Variants in SPSB1 observed in about 807,000 individuals in gnomAD.
SPSB1 encodes the protein splA/ryanodine receptor domain and SOCS box containing 1.
SPSB1 carries 8 observed loss-of-function variants against 21.2 expected under a neutral mutation model. The ratio of observed to expected loss-of-function variants is 0.38; its 90% CI spans 0.22 to 0.68. The LOEUF (loss-of-function observed/expected upper bound fraction) is 0.68. Among genes scored for constraint, SPSB1 ranks in the 30% least tolerant of loss-of-function variants. SPSB1 has a pLI of 0.53. For missense variants in SPSB1, 242 were observed against 377.8 expected (o/e 0.64, Z 2.98); for synonymous variants, 169 against 161.7 (o/e 1.05, Z -0.34).
At chr1:9,309,297 A>AGT (rs1190863090) in intron 1 of SPSB1, among the ~76,000 whole-genome samples, 2 of 112,028 alleles carry the variant, frequency 1.8e-5, no homozygotes, top group African/African-American at 7.9e-5. Flanking sequence ...AGAGAGAGAG[A>AGT]GAGAGTGTGT....
At chr1:9,300,975 C>T (rs573504025) in intron 1 of SPSB1, among the ~76,000 whole-genome samples, 2 of 152,244 alleles carry the variant, frequency 1.3e-5, no homozygotes, top group African/African-American at 4.8e-5. Context: ...TGGACAGCTG[C>T]AGCACTATAG....
intron 1 of SPSB1, among the ~76,000 whole-genome samples, chr1:9,308,773 A>G (rs187272061): frequency 1.3e-5 from 2 of 152,248 alleles, no homozygotes; most frequent in Admixed American, 6.5e-5. Flanking sequence ...AGGAAGTGGC[A>G]TGACTCCCTG....
At chr1:9,314,560 A>G (rs1485125879) in intron 1 of SPSB1, among the ~76,000 whole-genome samples, 1 of 152,164 alleles carries the variant, frequency 6.6e-6, no homozygotes, top group African/African-American at 2.4e-5. Context: ...GACCCCAGAT[A>G]TTTGCCTCTG....
intron 1 of SPSB1, among the ~76,000 whole-genome samples, chr1:9,331,283 A>T (rs1412892339): frequency 2.9e-5 from 1 of 34,270 alleles, no homozygotes; most frequent in African/African-American, 1.5e-4. Flanking sequence ...TCTGTCATAA[A>T]TACCCGTTAT....
intron 1 of SPSB1, among the ~76,000 whole-genome samples, chr1:9,322,163 G>A (rs1639731668): frequency 6.6e-6 from 1 of 152,122 alleles, no homozygotes; most frequent in Non-Finnish European, 1.5e-5. Flanking sequence ...CTCCGTCTTT[G>A]CCTTGGACTC....
At chr1:9,361,169 T>TCTTTTTTTTC (rs1557467339) in intron 2 of SPSB1, among the ~76,000 whole-genome samples, 4 of 142,306 alleles carry the variant, frequency 2.8e-5, no homozygotes, top group African/African-American at 1.1e-4. Flanking sequence ...TTTTTTTTTT[T>TCTTTTTTTTC]TTTTTTTTTT....
rs1639726200 is a variant in SPSB1, at chr1:9,321,814, C to T, written c.-150+28743C>T. Among the ~76,000 whole-genome samples, 1 of 152,116 alleles carries T rather than the reference C, an allele frequency of 6.6e-6. No homozygotes were observed. The highest frequency in any genetic ancestry group is 2.4e-5 in the African/African-American group (1 of 41,398). The stretch of plus-strand genomic sequence containing the variant: ...AGACTGGCCAGGGGCACCGCAGAGA[C>T]CACGGGAGAGGCTCTTCAGTGGCAG... On this transcript the variant is annotated intron_variant, in intron 1 of 2. Transcript: ENST00000328089. This position sits in a 1 kb window ranked among gnomAD's most constrained non-coding sequence, Gnocchi z 4.8.
chr1:9,322,135 C>T (rs1639731304), intron 1 of SPSB1, among the ~76,000 whole-genome samples: 1 of 152,178 alleles, frequency 6.6e-6, no homozygotes, highest in Non-Finnish European at 1.5e-5. Context: ...GGACTTAGCT[C>T]CTGGTGGTCG....
At chr1:9,349,306 G>A (rs777814521) in intron 1 of SPSB1, among the ~76,000 whole-genome samples, 2 of 152,288 alleles carry the variant, frequency 1.3e-5, no homozygotes, top group African/African-American at 2.4e-5. Flanking sequence ...TGAGACAGAC[G>A]CTCCCGCCAC....
chr1:9,361,746 T>A (rs1203429731), intron 2 of SPSB1, among the ~76,000 whole-genome samples: 1 of 152,174 alleles, frequency 6.6e-6, no homozygotes, highest in Non-Finnish European at 1.5e-5. Flanking sequence ...GCTGTGTCAC[T>A]CTCCCTCTCT....
At chr1:9,299,047 G>A (rs1020991659) in intron 1 of SPSB1, among the ~76,000 whole-genome samples, 6 of 152,238 alleles carry the variant, frequency 3.9e-5, no homozygotes, top group Non-Finnish European at 7.3e-5. Flanking sequence ...TCAACTCTCC[G>A]ATTTGGCCTG....
chr1:9,306,171 G>A (rs1396803760), intron 1 of SPSB1, among the ~76,000 whole-genome samples: 2 of 152,198 alleles, frequency 1.3e-5, no homozygotes, highest in East Asian at 3.9e-4. Context: ...CAGGGACTGA[G>A]GGCACCTCAG....
At chr1:9,359,913 G>C (rs1640442070) in intron 2 of SPSB1, among the ~76,000 whole-genome samples, 1 of 152,118 alleles carries the variant, frequency 6.6e-6, no homozygotes, top group Non-Finnish European at 1.5e-5. Flanking sequence ...CCATGGACCG[G>C]ATGTGACGAG....
rs1640197702 is a variant in SPSB1 at position 9,348,301 on chromosome 1, G to T, written c.-149-7442G>T. 6.6e-6 allele frequency among the ~76,000 whole-genome samples: 1 copy of T among 152,052 alleles called. No homozygotes were observed. Among genetic ancestry groups the T allele is most frequent in the African/African-American group, 2.4e-5 (1 of 41,404 alleles). ...TCGCTCCTGTCTCGGCGGTAGTGCT[G>T]TGTCTAGCATCACATTCCTCTGTGC... On this transcript the variant is annotated intron_variant, in intron 1 of 2. Coordinates refer to ENST00000328089, the MANE Select transcript of SPSB1 (RefSeq NM_025106.4). The surrounding 1 kb of genome is among the most constrained non-coding windows in gnomAD (Gnocchi z 4.8).
intron 1 of SPSB1, among the ~76,000 whole-genome samples, chr1:9,303,006 C>T (rs1336263883): frequency 6.6e-6 from 1 of 152,162 alleles, no homozygotes; most frequent in Non-Finnish European, 1.5e-5. Context: ...AACAGTGATT[C>T]CATTGAACGG....
chr1:9,304,231 G>A (rs892474632), intron 1 of SPSB1, among the ~76,000 whole-genome samples: 4 of 152,152 alleles, frequency 2.6e-5, no homozygotes, highest in African/African-American at 4.8e-5. Flanking sequence ...TCTTTGGCCC[G>A]GGGCTGAGAA....
chr1:9,338,795 C>T (rs958644778), intron 1 of SPSB1, among the ~76,000 whole-genome samples: 3 of 152,204 alleles, frequency 2.0e-5, no homozygotes, highest in South Asian at 2.1e-4. Flanking sequence ...ATTCTGCCTT[C>T]GCCCCAGCTT....
At chr1:9,358,762 G>A (rs1171408957) in intron 2 of SPSB1, among the ~76,000 whole-genome samples, 1 of 152,144 alleles carries the variant, frequency 6.6e-6, no homozygotes, top group Non-Finnish European at 1.5e-5. Flanking sequence ...CCAGGAACAT[G>A]CCCCCTGATG....
intron 1 of SPSB1, among the ~76,000 whole-genome samples, chr1:9,329,767 CCAGATCTCGG>C (rs141912318): frequency 4.3e-4 from 65 of 151,602 alleles, no homozygotes; most frequent in African/African-American, 1.5e-3. Flanking sequence ...AGGAGACTTC[CCAGATCTCGG>C]CATCGGACAC....
Sources: allele counts gnomAD v4.1 joint callset (sites outside exome capture counted in the v4.1 genomes callset), GRCh38; gene constraint gnomAD v4.1.1; non-coding constraint Gnocchi (gnomAD v3.1); transcripts MANE v1.5; gene names NCBI Gene and HGNC (gene_info 2026-07-23, HGNC 2026-07-21).